RNF32: variants seen among roughly 807,000 people sequenced by gnomAD.
RNF32 encodes ring finger protein 32.
RNF32 carries 36 observed loss-of-function variants against 41.0 expected under a neutral mutation model. That is an observed-to-expected ratio of 0.88 (90% CI 0.67 to 1.16). The LOEUF is 1.16. Among genes scored for constraint, RNF32 ranks in the 50% most tolerant of loss-of-function variants. The pLI is 0.00. For synonymous variants in RNF32, 154 were observed against 160.9 expected (o/e 0.96, Z 0.32); for missense variants, 413 against 436.7 (o/e 0.95, Z 0.48).
intron 6 of RNF32, 95 bp from the exon 7 acceptor site, chr7:156,658,367 G>C (rs1331441310): frequency 1.3e-6 from 2 of 1,541,224 alleles, no homozygotes; most frequent in African/African-American, 2.8e-5. Flanking sequence ...AATTTCCCCA[G>C]GGCCTTGTAC....
At chr7:156,659,052 C>T in intron 7 of RNF32, 1 of 1,403,852 alleles carries the variant, frequency 7.1e-7, no homozygotes, top group Non-Finnish European at 9.2e-7. Context: ...CCATGTCTAC[C>T]CTTCCTCTTA....
intron 3 of RNF32, among the ~76,000 whole-genome samples, chr7:156,651,911 C>G (rs570570395): frequency 5.3e-5 from 8 of 152,164 alleles, no homozygotes; most frequent in Non-Finnish European, 8.8e-5. Flanking sequence ...GGTCCCCTCC[C>G]CCGGCCCCTC....
upstream of RNF32, chr7:156,640,492 G>A (rs1489840629): frequency 2.9e-6 from 1 of 349,992 alleles, no homozygotes; most frequent in Admixed American, 3.9e-5. Context: ...CCCGCCAGGC[G>A]ATCCCCAAAA....
Position 156,652,963 on chromosome 7 carries a change from A to C in RNF32, c.275-1613A>C, listed in dbSNP as rs544878304. On this transcript the variant is annotated intron_variant, in intron 3 of 8. Coordinates refer to ENST00000317955, the MANE Select transcript of RNF32 (RefSeq NM_030936.4). ...TAAAAGTTTAGAGAGTAAAAAAGTTATAGGAAGCTAACTTTAATTTATTAT... is the reference window on the plus strand; with the variant it reads ...TAAAAGTTTAGAGAGTAAAAAAGTTCTAGGAAGCTAACTTTAATTTATTAT... 6.5e-4 allele frequency among the ~76,000 whole-genome samples: 99 copies of C among 152,326 alleles called. 1 individual carries two copies. The highest frequency in any genetic ancestry group is 1.4e-3 in the Admixed American group (21 of 15,306).
At chr7:156,651,960 C>A (rs1252031503) in intron 3 of RNF32, among the ~76,000 whole-genome samples, 1 of 152,180 alleles carries the variant, frequency 6.6e-6, no homozygotes, top group East Asian at 1.9e-4. Context: ...GGACCCTGGG[C>A]TCTCTCCTTG....
intron 1 of RNF32, 42 bp from the exon 2 acceptor site, chr7:156,643,758 TG>T (rs2131330643): frequency 5.6e-6 from 5 of 886,610 alleles, no homozygotes; most frequent in Non-Finnish European, 9.3e-6. Context: ...ATGGTTTTTC[TG>T]TGCACTGTAA....
Position 156,650,995 on chromosome 7 carries a change from C to G in RNF32, c.275-3581C>G, listed in dbSNP as rs917915034. On this transcript the variant is annotated intron_variant, in intron 3 of 8. Transcript: ENST00000317955. The stretch of plus-strand genomic sequence containing the variant: ...GGTCAAGTAACCTTCTCTGGGGTCA[C>G]AGCCCCATGCATCCTGCACACCATT... Among the ~76,000 whole-genome samples the G allele has an allele frequency of 2.0e-5, 3 of 152,182 alleles. No homozygotes were observed. In the South Asian group the frequency reaches 6.2e-4, roughly 32 times the overall value.
At chr7:156,649,455 G>A (rs969863997) in intron 3 of RNF32, among the ~76,000 whole-genome samples, 4 of 151,792 alleles carry the variant, frequency 2.6e-5, no homozygotes, top group African/African-American at 9.7e-5. Context: ...GTGAATACGA[G>A]TAGTAATACC....
chr7:156,650,717 G>C (rs1464058851), intron 3 of RNF32, among the ~76,000 whole-genome samples: 2 of 152,240 alleles, frequency 1.3e-5, no homozygotes, highest in Non-Finnish European at 2.9e-5. Context: ...TAAGAGGAAG[G>C]GTGGTGCTGG....
chr7:156,654,792 A>G, intron 4 of RNF32, 74 bp downstream of exon 4: 3 of 1,395,988 alleles, frequency 2.1e-6, no homozygotes, highest in African/African-American at 1.4e-5. Context: ...GCTGGAGCCT[A>G]AGATTCCAAG....
intron 1 of RNF32, 21 bp from the exon 2 acceptor site, chr7:156,643,778 TTC>T (rs1334922359): frequency 8.8e-7 from 1 of 1,129,966 alleles, no homozygotes; most frequent in Non-Finnish European, 1.3e-6. Flanking sequence ...AACTTTGACT[TTC>T]TGTTGACCAC....
At chr7:156,671,134 A>G (rs79556648) in intron 7 of RNF32, among the ~76,000 whole-genome samples, 2,750 of 152,330 alleles carry the variant, frequency 0.018, 85 homozygotes, top group African/African-American at 0.063. Flanking sequence ...AACCTTCAAA[A>G]CAGTAAAGAG....
chr7:156,676,206 C>T (rs1489018196), intron 8 of RNF32: 1 of 1,468,316 alleles, frequency 6.8e-7, no homozygotes, highest in Admixed American at 2.2e-5. Context: ...GTTACTAACC[C>T]TTTCCACAGT....
chr7:156,661,558 TG>T (rs1449222439), intron 7 of RNF32, among the ~76,000 whole-genome samples: 1 of 152,156 alleles, frequency 6.6e-6, no homozygotes, highest in Non-Finnish European at 1.5e-5. Flanking sequence ...CAGCTTCAGG[TG>T]ATCTGCCTGC....
At position 156,677,047 on chromosome 7, in the gene RNF32, T is replaced by C. The variant is rs1345446089; in HGVS notation, c.*392T>C. 6.0e-6 allele frequency: 1 copy of C among 165,750 alleles called. No individual in the cohort carries two copies. The highest frequency in any genetic ancestry group is 1.3e-5 in the Non-Finnish European group (1 of 75,848). The allele number at this position is 165,750 out of a possible 1,614,324, so 10.3% of individuals were successfully genotyped here. A position where few individuals can be genotyped will look rare whatever the true frequency, so the allele number is the denominator to read the frequency against. ...TCTGTCCTAAAGCCTTTGCCATTCCTAATACTCGTTTTGTAATAATTGCTG... is the reference window on the plus strand; with the variant it reads ...TCTGTCCTAAAGCCTTTGCCATTCCCAATACTCGTTTTGTAATAATTGCTG... On this transcript the variant is annotated 3_prime_UTR_variant, in exon 9 of 9. Transcript: ENST00000317955.
At chr7:156,666,047 T>G (rs1801295000) in intron 7 of RNF32, among the ~76,000 whole-genome samples, 1 of 152,194 alleles carries the variant, frequency 6.6e-6, no homozygotes, top group Non-Finnish European at 1.5e-5. Flanking sequence ...TGGGAACCAT[T>G]GGTTTCGATC....
intron 3 of RNF32, among the ~76,000 whole-genome samples, chr7:156,653,843 G>A (rs1032325993): frequency 1.3e-5 from 2 of 152,238 alleles, no homozygotes; most frequent in Non-Finnish European, 2.9e-5. Context: ...GGTGCAGATT[G>A]ATGTAGAGGC....
rs1366871570 is a variant in RNF32 at position 156,677,088 on chromosome 7, A to G, written c.*433A>G. ...ATAATTGCTGTATTTCTGTGTAATA[A>G]AATATAAAAATAAAATATTCAGTGG... On this transcript the variant is annotated 3_prime_UTR_variant, in exon 9 of 9. Coordinates refer to ENST00000317955, the MANE Select transcript of RNF32 (RefSeq NM_030936.4). 6.4e-6 allele frequency: 1 copy of G among 156,746 alleles called. No homozygotes were observed. Among genetic ancestry groups the G allele is most frequent in the East Asian group, 1.9e-4 (1 of 5,318 alleles). The allele number at this position is 156,746 out of a possible 1,614,324, so 9.7% of individuals were successfully genotyped here. A position where few individuals can be genotyped will look rare whatever the true frequency, so the allele number is the denominator to read the frequency against.
In RNF32 at chr7:156,658,214, CG is replaced by C. The variant is rs1182502165; in HGVS notation, c.538del (p.Asp180MetfsTer11). On this transcript the variant is annotated frameshift_variant, in exon 6 of 9. Transcript: ENST00000317955. LOFTEE classifies it high-confidence loss of function. Reference protein sequence around the residue: ...KNQYQTRVIHDGARLFRIKCV... With the variant: ...KNQYQTRVIHXGARLFRIKCV... The stretch of plus-strand genomic sequence containing the variant: ...ACCAGTATCAAACCCGAGTGATACA[CG>C]ATGGGGCCCGCCTGTTCAGAATCAA... 1 of 1,614,038 alleles carries C rather than the reference CG, an allele frequency of 6.2e-7. No individual in the cohort carries two copies. Among genetic ancestry groups the C allele is most frequent in the African/African-American group, 1.3e-5 (1 of 74,928 alleles).
Sources: gnomAD v4.1 joint callset for allele counts (sites outside exome capture counted in the v4.1 genomes callset) on GRCh38, gnomAD v4.1.1 for gene constraint, MANE v1.5 for transcripts, NCBI Gene and HGNC (gene_info 2026-07-23, HGNC 2026-07-21) for gene names.